The following TRAP1 variants were observed in gnomAD, a reference collection of about 807,000 sequenced individuals.
TRAP1 encodes the protein heat shock protein 75 kDa, mitochondrial.
A neutral mutation model predicts 89.1 loss-of-function variants in TRAP1; 102 were observed. That is an observed-to-expected ratio of 1.15 (90% CI 0.98 to 1.35). The LOEUF (loss-of-function observed/expected upper bound fraction) is 1.35, where lower values mean the gene tolerates loss of function less well. Ranked by LOEUF, TRAP1 falls within the 40% of genes most tolerant of loss-of-function variation. TRAP1 has a pLI of 0.00. For synonymous variants in TRAP1, 508 were observed against 388.0 expected, an observed-to-expected ratio of 1.31 and a Z score of -3.64; for missense variants, 1,256 against 945.3, an observed-to-expected ratio of 1.33 and a Z score of -4.31.
chr16:3,682,840 C>T (rs1372555145), intron 4 of TRAP1, among the ~76,000 whole-genome samples: 3 of 151,878 alleles, frequency 2.0e-5, no homozygotes, highest in African/African-American at 2.4e-5. Flanking sequence ...AACCTGGAGA[C>T]GGAAGAAGAT....
At chr16:3,696,351 C>A (rs146098548) in intron 1 of TRAP1, among the ~76,000 whole-genome samples, 11 of 152,284 alleles carry the variant, frequency 7.2e-5, no homozygotes, top group African/African-American at 2.6e-4. Flanking sequence ...GTGGCAGAAT[C>A]TAGGACAATC....
chr16:3,692,298 G>A (rs771223682), intron 1 of TRAP1, among the ~76,000 whole-genome samples: 2 of 152,172 alleles, frequency 1.3e-5, no homozygotes, highest in Non-Finnish European at 2.9e-5. Context: ...CACTTTGGGA[G>A]GCTGAGGTAG....
chr16:3,669,759 G>A (rs1254723374), intron 11 of TRAP1, among the ~76,000 whole-genome samples: 1 of 150,398 alleles, frequency 6.6e-6, no homozygotes, highest in Middle Eastern at 3.2e-3. Context: ...CATGAACCCG[G>A]GAGGCGGAGC....
At chr16:3,698,648 T>C (rs963650143) in intron 1 of TRAP1, among the ~76,000 whole-genome samples, 68 of 151,614 alleles carry the variant, frequency 4.5e-4, no homozygotes, top group African/African-American at 1.5e-3. Context: ...GGCTCATGCC[T>C]GTAATCCCAG....
chr16:3,712,911 C>T (rs1407386644), intron 1 of TRAP1, among the ~76,000 whole-genome samples: 1 of 152,140 alleles, frequency 6.6e-6, no homozygotes, highest in Non-Finnish European at 1.5e-5. Context: ...CCACCGCGCC[C>T]GGCCTGATGT....
At chr16:3,658,634 C>G in intron 17 of TRAP1, 159 bp downstream of exon 17, 1 of 708,326 alleles carries the variant, frequency 1.4e-6, no homozygotes, top group East Asian at 2.8e-5. Flanking sequence ...GATCGCGCCA[C>G]TGCACTCCAG....
chr16:3,661,923 A>G (rs2043099386), intron 16 of TRAP1, 64 bp downstream of exon 16: 1 of 1,509,350 alleles, frequency 6.6e-7, no homozygotes, highest in Non-Finnish European at 8.8e-7. Flanking sequence ...CCACAACAAA[A>G]GAACACCACA....
chr16:3,670,419 G>A (rs371714592), intron 11 of TRAP1, among the ~76,000 whole-genome samples: 4 of 109,404 alleles, frequency 3.7e-5, no homozygotes, highest in East Asian at 2.9e-4. Context: ...AAATCTAAGT[G>A]GCCAGGTGCA....
intron 10 of TRAP1, 147 bp from the exon 11 acceptor site, chr16:3,671,938 C>T (rs534615234): frequency 3.6e-6 from 3 of 831,248 alleles, no homozygotes; most frequent in East Asian, 2.7e-5. Context: ...ACTGCCGGAG[C>T]TTCCTCTACG....
At chr16:3,679,849 C>T in intron 4 of TRAP1, 59 bp from the exon 5 acceptor site, 1 of 1,552,608 alleles carries the variant, frequency 6.4e-7, no homozygotes. Flanking sequence ...CGGGTGAGTG[C>T]ACCAGCAGTC....
intron 1 of TRAP1, among the ~76,000 whole-genome samples, chr16:3,707,736 C>G (rs1362613396): frequency 1.3e-5 from 2 of 151,440 alleles, no homozygotes; most frequent in Non-Finnish European, 2.9e-5. Flanking sequence ...CATCTGTAAT[C>G]CCAGCTACTC....
At chr16:3,681,454 C>T (rs1484538325) in intron 4 of TRAP1, among the ~76,000 whole-genome samples, 1 of 152,222 alleles carries the variant, frequency 6.6e-6, no homozygotes, top group African/African-American at 2.4e-5. Flanking sequence ...CACATCACCA[C>T]CAGTTACTGC....
chr16:3,675,532 C>T (rs140802771), intron 7 of TRAP1, 135 bp from the exon 8 acceptor site: 13 of 790,598 alleles, frequency 1.6e-5, no homozygotes, highest in Non-Finnish European at 2.7e-5. Flanking sequence ...GGTACAGAAA[C>T]AGGGCACAGT....
chr16:3,713,405 G>C (rs1487299409), intron 1 of TRAP1, among the ~76,000 whole-genome samples: 1 of 152,176 alleles, frequency 6.6e-6, no homozygotes, highest in Non-Finnish European at 1.5e-5. Context: ...CTTGAGCCCT[G>C]AGCAAAGTGA....
chr16:3,667,281 A>G (rs1479368344), intron 11 of TRAP1, among the ~76,000 whole-genome samples: 3 of 152,108 alleles, frequency 2.0e-5, no homozygotes, highest in Admixed American at 6.6e-5. Context: ...GGGCAGTGGC[A>G]ATGGTAGATT....
intron 4 of TRAP1, among the ~76,000 whole-genome samples, chr16:3,682,987 G>A (rs2051092399): frequency 6.6e-6 from 1 of 151,412 alleles, no homozygotes; most frequent in African/African-American, 2.4e-5. Context: ...TGACCGACAT[G>A]GAGAAACTCT....
intron 1 of TRAP1, among the ~76,000 whole-genome samples, chr16:3,701,207 A>G (rs1357616254): frequency 6.6e-6 from 1 of 152,250 alleles, no homozygotes; most frequent in Non-Finnish European, 1.5e-5. Context: ...GGAAAAAAGA[A>G]GGATATTTCA....
chr16:3,675,232 C>A, intron 8 of TRAP1, 92 bp downstream of exon 8: 2 of 1,281,118 alleles, frequency 1.6e-6, no homozygotes, highest in South Asian at 2.5e-5. Flanking sequence ...GACTCTGGGC[C>A]GCATCCCCTG....
Position 3,674,325 on chromosome 16 carries a change from C to T in TRAP1, c.1044+14G>A. Reference sequence around the variant, plus strand: ...AGTCACCCTGAGGGCCGTGGGACTGCCACAGTGCCTCACCATGTCGGGCAC... The same window carrying T: ...AGTCACCCTGAGGGCCGTGGGACTGTCACAGTGCCTCACCATGTCGGGCAC... On this transcript the variant is annotated intron_variant, in intron 9 of 17. Coordinates refer to ENST00000246957, the MANE Select transcript of TRAP1 (RefSeq NM_016292.3). The T allele has an allele frequency of 6.2e-7, 1 of 1,613,378 alleles. No individual in the cohort carries two copies. Among genetic ancestry groups the T allele is most frequent in the South Asian group, 1.1e-5 (1 of 91,050 alleles).
Sources: gnomAD v4.1 joint callset for allele counts (sites outside exome capture counted in the v4.1 genomes callset) on GRCh38, gnomAD v4.1.1 for gene constraint, MANE v1.5 for transcripts, NCBI Gene and HGNC (gene_info 2026-07-23, HGNC 2026-07-21) for gene names.